GPR39: variants seen among roughly 807,000 people sequenced by gnomAD.
GPR39 encodes the protein G protein-coupled receptor 39.
Under a neutral mutation model 18.4 loss-of-function variants are expected in GPR39, and 23 were observed. The observed-to-expected ratio is 1.25, with a 90% CI of 0.90 to 1.77. The LOEUF (loss-of-function observed/expected upper bound fraction) is 1.77. Among genes scored for constraint, GPR39 ranks in the 40% most tolerant of loss-of-function variants. GPR39 has a pLI of 0.00. For missense variants in GPR39, 647 were observed against 602.4 expected (o/e 1.07, Z -0.78); for synonymous variants, 280 against 257.9 (o/e 1.09, Z -0.82).
chr2:132,432,517 T>C (rs1680241626), intron 1 of GPR39, among the ~76,000 whole-genome samples: 1 of 152,220 alleles, frequency 6.6e-6, no homozygotes, highest in Admixed American at 6.5e-5. Flanking sequence ...TGATGAAATC[T>C]AGGGCCTACT....
At chr2:132,625,517 A>G (rs1225486720) in intron 1 of GPR39, among the ~76,000 whole-genome samples, 1 of 152,212 alleles carries the variant, frequency 6.6e-6, no homozygotes, top group East Asian at 1.9e-4. Context: ...CACATAGTGC[A>G]TTCCAGTTTT....
intron 1 of GPR39, among the ~76,000 whole-genome samples, chr2:132,591,382 G>A (rs536273881): frequency 6.6e-6 from 1 of 151,532 alleles, no homozygotes; most frequent in African/African-American, 2.4e-5. Flanking sequence ...TGGACTCCAA[G>A]TTCTTCAGTT....
At chr2:132,609,976 C>A (rs1314016476) in intron 1 of GPR39, among the ~76,000 whole-genome samples, 1 of 152,010 alleles carries the variant, frequency 6.6e-6, no homozygotes, top group Non-Finnish European at 1.5e-5. Context: ...CAACTTCTGT[C>A]TCTGCTTGGT....
In GPR39 at chr2:132,612,248, G is replaced by A. The variant is rs1246576377; in HGVS notation, c.857-32853G>A. Reference sequence around the variant, plus strand: ...CTCTCCATCTCAGGAGCTTCCCCTGGACTCATGTATCTCTTCCCTCCATGG... The same window carrying A: ...CTCTCCATCTCAGGAGCTTCCCCTGAACTCATGTATCTCTTCCCTCCATGG... On this transcript the variant is annotated intron_variant, in intron 1 of 1. Transcript: ENST00000329321. Among the ~76,000 whole-genome samples, 3 of 152,068 alleles carry A rather than the reference G, an allele frequency of 2.0e-5. No individual in the cohort carries two copies. In the East Asian group the frequency reaches 5.8e-4, roughly 29 times the overall value.
At chr2:132,624,333 G>GT in intron 1 of GPR39, among the ~76,000 whole-genome samples, 1 of 152,190 alleles carries the variant, frequency 6.6e-6, no homozygotes, top group South Asian at 2.1e-4. Context: ...TAATTGCCTC[G>GT]TTAAGACCCT....
chr2:132,545,529 C>T (rs1679931343), intron 1 of GPR39, among the ~76,000 whole-genome samples: 2 of 152,262 alleles, frequency 1.3e-5, no homozygotes, highest in South Asian at 4.2e-4. Context: ...ATTCACTCAC[C>T]AAACACTTAC....
rs181150826 is a variant in GPR39, at chr2:132,601,918, A to T, written c.857-43183A>T. Among the ~76,000 whole-genome samples the T allele has an allele frequency of 3.5e-3, 534 of 152,278 alleles. 4 individuals are homozygous for T. The highest frequency in any genetic ancestry group is 0.012 in the African/African-American group (514 of 41,568). The stretch of plus-strand genomic sequence containing the variant: ...GATGAAAGAACTTGAAGACAAAAAA[A>T]TTGGAAAGATAACCCATGCTCATGG... On this transcript the variant is annotated intron_variant, in intron 1 of 1. Coordinates refer to ENST00000329321, the MANE Select transcript of GPR39 (RefSeq NM_001508.3).
intron 1 of GPR39, among the ~76,000 whole-genome samples, chr2:132,421,709 C>T (rs1237623296): frequency 6.6e-6 from 1 of 152,082 alleles, no homozygotes; most frequent in Non-Finnish European, 1.5e-5. Context: ...GGTTGATATA[C>T]ATTTAGATAT....
At chr2:132,493,681 G>T (rs1424326679) in intron 1 of GPR39, among the ~76,000 whole-genome samples, 1 of 151,596 alleles carries the variant, frequency 6.6e-6, no homozygotes. Flanking sequence ...AGAGGAATCA[G>T]GTTGGAAAGG....
At chr2:132,449,009 G>A (rs1470539436) in intron 1 of GPR39, among the ~76,000 whole-genome samples, 1 of 152,174 alleles carries the variant, frequency 6.6e-6, no homozygotes, top group African/African-American at 2.4e-5. Flanking sequence ...CAGGCTGTTT[G>A]CAAACTGCAG....
At chr2:132,631,017 G>A (rs372837201) in intron 1 of GPR39, among the ~76,000 whole-genome samples, 13 of 152,142 alleles carry the variant, frequency 8.5e-5, no homozygotes, top group East Asian at 3.9e-4. Context: ...ACTGATGCTG[G>A]TGACATCGAT....
intron 1 of GPR39, among the ~76,000 whole-genome samples, chr2:132,570,142 C>T (rs187749018): frequency 2.0e-5 from 3 of 152,278 alleles, no homozygotes; most frequent in Non-Finnish European, 4.4e-5. Context: ...CTTGGCCCTC[C>T]CCACCCAGCT....
intron 1 of GPR39, among the ~76,000 whole-genome samples, chr2:132,569,599 C>T (rs1573673127): frequency 6.8e-6 from 1 of 146,506 alleles, no homozygotes; most frequent in African/African-American, 2.6e-5. Context: ...CACCTAGATC[C>T]AGAGTCCTGA....
intron 1 of GPR39, among the ~76,000 whole-genome samples, chr2:132,619,286 G>C (rs115653930): frequency 0.013 from 1,917 of 152,306 alleles, 34 homozygotes; most frequent in African/African-American, 0.043. Flanking sequence ...CACTGGACTG[G>C]GTGGCTGAGA....
chr2:132,461,270 A>C (rs1172045527), intron 1 of GPR39, among the ~76,000 whole-genome samples: 1 of 152,152 alleles, frequency 6.6e-6, no homozygotes, highest in African/African-American at 2.4e-5. Context: ...CTTACCTCAC[A>C]ACTCTCTCTA....
At chr2:132,438,239 A>G (rs528832148) in intron 1 of GPR39, among the ~76,000 whole-genome samples, 10 of 152,342 alleles carry the variant, frequency 6.6e-5, no homozygotes, top group African/African-American at 2.4e-4. Context: ...TAATTAGGTC[A>G]TAGCTCTGAC....
chr2:132,584,848 AT>A (rs1680696953), intron 1 of GPR39, among the ~76,000 whole-genome samples: 1 of 152,206 alleles, frequency 6.6e-6, no homozygotes, highest in Non-Finnish European at 1.5e-5. Flanking sequence ...GTCTGCATTC[AT>A]TTGGATAACC....
intron 1 of GPR39, among the ~76,000 whole-genome samples, chr2:132,588,559 C>G (rs1029560902): frequency 6.6e-6 from 1 of 152,252 alleles, no homozygotes; most frequent in East Asian, 1.9e-4. Flanking sequence ...TGTGTGGGGC[C>G]TGGGCTGCTG....
intron 1 of GPR39, among the ~76,000 whole-genome samples, chr2:132,491,347 T>C (rs1487205649): frequency 3.9e-5 from 6 of 152,148 alleles, no homozygotes; most frequent in Non-Finnish European, 7.3e-5. Context: ...TTACACTGCC[T>C]TGTGACCTCT....
Sources: gnomAD v4.1 joint callset for allele counts (sites outside exome capture counted in the v4.1 genomes callset) on GRCh38, gnomAD v4.1.1 for gene constraint, MANE v1.5 for transcripts, NCBI Gene and HGNC (gene_info 2026-07-23, HGNC 2026-07-21) for gene names.